Variants in SVIL observed in about 807,000 individuals in gnomAD.
SVIL encodes supervillin, also known as archvillin.
SVIL carries 101 observed loss-of-function variants against 240.4 expected under a neutral mutation model. The ratio of observed to expected loss-of-function variants is 0.42; its 90% CI spans 0.36 to 0.50. The LOEUF (loss-of-function observed/expected upper bound fraction) is 0.50, where lower values mean the gene tolerates loss of function less well. SVIL is among the 20% of genes least tolerant of loss of function. The probability of loss-of-function intolerance (pLI) is 0.01; values close to 1 mark genes in which losing one functional copy is unlikely to be tolerated. For missense variants in SVIL, 2,512 were observed against 2,818.7 expected, an observed-to-expected ratio of 0.89 and a Z score of 2.46; for synonymous variants, 999 against 1,100.0, an observed-to-expected ratio of 0.91 and a Z score of 1.82.
chr10:29,689,265 G>A (rs746874514), intron 1 of SVIL, among the ~76,000 whole-genome samples: 3 of 152,016 alleles, frequency 2.0e-5, no homozygotes, highest in Non-Finnish European at 1.5e-5. Context: ...GTATCTCCCC[G>A]ACTCATGAGT....
chr10:29,517,024 T>A (rs1298619877), intron 16 of SVIL, among the ~76,000 whole-genome samples: 10 of 152,196 alleles, frequency 6.6e-5, no homozygotes, highest in African/African-American at 9.6e-5. Flanking sequence ...AACAGCACAC[T>A]TAAGTACTTA....
chr10:29,642,837 C>A (rs1036949452), intron 3 of SVIL, among the ~76,000 whole-genome samples: 1 of 152,106 alleles, frequency 6.6e-6, no homozygotes, highest in African/African-American at 2.4e-5. Context: ...GCACATACCA[C>A]CATGCCTGAA....
At chr10:29,458,749 C>T (rs961085925) in intron 36 of SVIL, 160 bp from the exon 37 acceptor site, 86 of 658,358 alleles carry the variant, frequency 1.3e-4, no homozygotes, top group Middle Eastern at 6.2e-4. Flanking sequence ...GAAAAGGGAT[C>T]GCCCAAAGCC....
chr10:29,547,546 G>A (rs1270443202), intron 6 of SVIL, among the ~76,000 whole-genome samples: 1 of 152,048 alleles, frequency 6.6e-6, no homozygotes, highest in Non-Finnish European at 1.5e-5. Context: ...ACAAAGAAGT[G>A]GCTTTATTTT....
intron 13 of SVIL, among the ~76,000 whole-genome samples, chr10:29,524,916 A>G (rs944609257): frequency 6.6e-5 from 10 of 151,992 alleles, no homozygotes; most frequent in African/African-American, 2.4e-4. Flanking sequence ...CATCACTTCT[A>G]CAAAGAGCAG....
rs563627470 is a variant in SVIL at position 29,578,412 on chromosome 10, C to A, written c.-200-9100G>T. 2.6e-5 allele frequency among the ~76,000 whole-genome samples: 4 copies of A among 152,288 alleles called. No individual in the cohort carries two copies. The South Asian group carries it at 8.3e-4, about 32-fold the overall frequency. ...TGGCATGAATGAATGGCGCCTATGGCTCAAAATCAGCCTGCTCACTTCTTC... is the reference window on the plus strand; with the variant it reads ...TGGCATGAATGAATGGCGCCTATGGATCAAAATCAGCCTGCTCACTTCTTC... On this transcript the variant is annotated intron_variant, in intron 1 of 37. Coordinates refer to ENST00000355867, the MANE Select transcript of SVIL (RefSeq NM_021738.3).
intron 17 of SVIL, among the ~76,000 whole-genome samples, chr10:29,502,560 T>A (rs1948978762): frequency 6.6e-6 from 1 of 152,162 alleles, no homozygotes; most frequent in African/African-American, 2.4e-5. Flanking sequence ...CTAAACAGAA[T>A]CCTACCCCAT....
At chr10:29,576,977 TTCAAGCGATTC>T in intron 1 of SVIL, among the ~76,000 whole-genome samples, 1 of 152,188 alleles carries the variant, frequency 6.6e-6, no homozygotes, top group Non-Finnish European at 1.5e-5. Context: ...GCCTCCTGGA[TTCAAGCGATTC>T]CCCTGCCTCA....
chr10:29,730,941 AG>A (rs1389471447), intron 1 of SVIL, among the ~76,000 whole-genome samples: 1 of 152,236 alleles, frequency 6.6e-6, no homozygotes, highest in African/African-American at 2.4e-5. Context: ...GGTGCTGGCC[AG>A]GAACTGGGAG....
At chr10:29,532,419 G>A in intron 8 of SVIL, 110 bp downstream of exon 8, 1 of 1,465,282 alleles carries the variant, frequency 6.8e-7, no homozygotes, top group African/African-American at 1.4e-5. Flanking sequence ...ACGCACTTGT[G>A]AGCTAAGCTA....
chr10:29,496,881 C>T (rs1490112012), intron 18 of SVIL, among the ~76,000 whole-genome samples: 3 of 152,122 alleles, frequency 2.0e-5, no homozygotes, highest in Non-Finnish European at 4.4e-5. Flanking sequence ...AAGATAAAAG[C>T]CTGGGCTAGA....
At chr10:29,725,911 C>T (rs1361615951) in intron 1 of SVIL, among the ~76,000 whole-genome samples, 1 of 152,134 alleles carries the variant, frequency 6.6e-6, no homozygotes, top group African/African-American at 2.4e-5. Flanking sequence ...CACCTACATC[C>T]TTTTTTAAAA....
At chr10:29,606,846 C>G (rs1287722583) in intron 1 of SVIL, among the ~76,000 whole-genome samples, 1 of 152,190 alleles carries the variant, frequency 6.6e-6, no homozygotes, top group Non-Finnish European at 1.5e-5. Flanking sequence ...CCTCTGCCTC[C>G]TGTGTTCAAG....
At chr10:29,526,434 AG>A (rs1401435024) in intron 13 of SVIL, among the ~76,000 whole-genome samples, 1 of 150,542 alleles carries the variant, frequency 6.6e-6, no homozygotes, top group Non-Finnish European at 1.5e-5. Flanking sequence ...TCTCCCAAGT[AG>A]CTAGGATTAC....
intron 1 of SVIL, among the ~76,000 whole-genome samples, chr10:29,692,040 A>G (rs1016004357): frequency 6.6e-6 from 1 of 151,868 alleles, no homozygotes; most frequent in African/African-American, 2.4e-5. Flanking sequence ...TCACTCAGCT[A>G]AGACACTGTC....
chr10:29,592,603 C>T (rs747968229), intron 1 of SVIL, among the ~76,000 whole-genome samples: 5 of 152,090 alleles, frequency 3.3e-5, no homozygotes, highest in Admixed American at 1.3e-4. Flanking sequence ...CTGACAGTTA[C>T]GTAGGAAGGG....
At chr10:29,669,269 C>T (rs1014109896) in intron 2 of SVIL, among the ~76,000 whole-genome samples, 1 of 152,118 alleles carries the variant, frequency 6.6e-6, no homozygotes, top group Admixed American at 6.5e-5. Context: ...AAAGAACAAG[C>T]ATCAACTCCC....
chr10:29,469,989 T>C (rs1945370880), intron 32 of SVIL, among the ~76,000 whole-genome samples: 1 of 152,182 alleles, frequency 6.6e-6, no homozygotes, highest in Non-Finnish European at 1.5e-5. Flanking sequence ...ACGGCAACTA[T>C]GAAGAAAGAA....
At chr10:29,619,210 T>C (rs557623648) in intron 1 of SVIL, among the ~76,000 whole-genome samples, 1 of 152,310 alleles carries the variant, frequency 6.6e-6, no homozygotes, top group Non-Finnish European at 1.5e-5. Context: ...TATGAGATAC[T>C]TTGTTTGCTG....
Sources: allele counts gnomAD v4.1 joint callset (sites outside exome capture counted in the v4.1 genomes callset), GRCh38; gene constraint gnomAD v4.1.1; transcripts MANE v1.5; gene names NCBI Gene and HGNC (gene_info 2026-07-23, HGNC 2026-07-21).